Variants in FGF14 observed in about 807,000 individuals in gnomAD.
FGF14 encodes fibroblast growth factor 14, also known as fibroblast growth factor homologous factor 4.
In FGF14, 5 loss-of-function variants were observed where a neutral mutation model predicts 25.5. The ratio of observed to expected loss-of-function variants is 0.20; its 90% CI spans 0.10 to 0.41. The LOEUF (loss-of-function observed/expected upper bound fraction) is 0.41. Ranked by LOEUF, FGF14 falls within the 10% of genes least tolerant of loss-of-function variation. The pLI, the probability that FGF14 is intolerant of heterozygous loss-of-function variation, is 1.00. For synonymous variants in FGF14, 138 were observed against 118.3 expected (o/e 1.17, Z -1.08); for missense variants, 222 against 320.1 (o/e 0.69, Z 2.34).
chr13:102,045,007 ATG>A (rs2041918226), intron 1 of FGF14, among the ~76,000 whole-genome samples: 1 of 152,176 alleles, frequency 6.6e-6, no homozygotes, highest in South Asian at 2.1e-4. Flanking sequence ...TGGCAAAAAC[ATG>A]TGTCTATAAC....
chr13:101,986,259 T>G (rs777221873), intron 1 of FGF14, among the ~76,000 whole-genome samples: 1 of 152,140 alleles, frequency 6.6e-6, no homozygotes, highest in Non-Finnish European at 1.5e-5. Context: ...AGTTTTTCAA[T>G]TTGGGTTTCT....
chr13:102,066,406 T>G (rs1483713041), intron 1 of FGF14, among the ~76,000 whole-genome samples: 2 of 152,134 alleles, frequency 1.3e-5, no homozygotes, highest in African/African-American at 4.8e-5. Flanking sequence ...AATTAGGCAC[T>G]CAAAAATAAA....
At chr13:101,961,221 G>A (rs1480637463) in intron 1 of FGF14, among the ~76,000 whole-genome samples, 2 of 151,986 alleles carry the variant, frequency 1.3e-5, no homozygotes, top group Non-Finnish European at 2.9e-5. Context: ...TTTTGCTTTT[G>A]TTGCCATTGC....
intron 1 of FGF14, among the ~76,000 whole-genome samples, chr13:102,387,661 A>C (rs553962467): frequency 6.6e-6 from 1 of 152,004 alleles, no homozygotes; most frequent in African/African-American, 2.4e-5. Flanking sequence ...GGTTTGGTGT[A>C]CAGATTATTT....
At chr13:102,381,867 T>A (rs1165658814) in intron 1 of FGF14, among the ~76,000 whole-genome samples, 1 of 152,210 alleles carries the variant, frequency 6.6e-6, no homozygotes, top group East Asian at 1.9e-4. Context: ...GTATTTTGGT[T>A]ATATGTCAAT....
chr13:101,894,076 A>G (rs571029119), intron 1 of FGF14, among the ~76,000 whole-genome samples: 81 of 152,140 alleles, frequency 5.3e-4, no homozygotes, highest in African/African-American at 1.9e-3. Flanking sequence ...GATATTTAAG[A>G]AAGAGTGACA....
At chr13:101,990,927 C>T (rs1037374590) in intron 1 of FGF14, among the ~76,000 whole-genome samples, 11 of 151,960 alleles carry the variant, frequency 7.2e-5, no homozygotes, top group Non-Finnish European at 1.5e-4. Context: ...TAAGTAAAAT[C>T]GACAGAACAT....
At chr13:101,799,994 G>A (rs1384107004) in intron 3 of FGF14, among the ~76,000 whole-genome samples, 3 of 152,068 alleles carry the variant, frequency 2.0e-5, no homozygotes, top group Non-Finnish European at 1.5e-5. Context: ...ACTTTACATA[G>A]AAGGAATGTC....
intron 3 of FGF14, among the ~76,000 whole-genome samples, chr13:101,769,439 A>G (rs1439883391): frequency 6.6e-6 from 1 of 152,164 alleles, no homozygotes; most frequent in Non-Finnish European, 1.5e-5. Context: ...ATGATCCACC[A>G]GTCATACTCC....
At chr13:102,112,449 G>A (rs750417077) in intron 1 of FGF14, among the ~76,000 whole-genome samples, 4 of 152,046 alleles carry the variant, frequency 2.6e-5, no homozygotes, top group South Asian at 2.1e-4. Context: ...CACACCACCC[G>A]CAAGTTTTGT....
At chr13:102,126,615 C>T (rs615746) in intron 1 of FGF14, among the ~76,000 whole-genome samples, 103,367 of 152,094 alleles carry the variant, frequency 0.68, 36,657 homozygotes, top group East Asian at 0.9. Flanking sequence ...ATGGTAATTT[C>T]ATATTTTTTT....
At chr13:101,977,216 C>T (rs2037981245) in intron 1 of FGF14, among the ~76,000 whole-genome samples, 2 of 152,146 alleles carry the variant, frequency 1.3e-5, no homozygotes, top group African/African-American at 4.8e-5. Flanking sequence ...CTACTCCCCT[C>T]CTCCCTAAAC....
intron 1 of FGF14, among the ~76,000 whole-genome samples, chr13:101,898,931 CT>C (rs2031133261): frequency 6.6e-6 from 1 of 152,100 alleles, no homozygotes; most frequent in Admixed American, 6.6e-5. Context: ...GAATTTGCTG[CT>C]TCAAAAGTGG....
intron 1 of FGF14, among the ~76,000 whole-genome samples, chr13:102,168,926 C>T (rs1326693526): frequency 3.3e-5 from 5 of 151,378 alleles, no homozygotes; most frequent in African/African-American, 7.3e-5. Flanking sequence ...TAAGATATTA[C>T]GATAATATCA....
At chr13:102,266,244 T>C (rs2052986414) in intron 1 of FGF14, among the ~76,000 whole-genome samples, 1 of 152,118 alleles carries the variant, frequency 6.6e-6, no homozygotes, top group South Asian at 2.1e-4. Flanking sequence ...TGACAAATAT[T>C]GGCCATTTTT....
At chr13:101,967,702 G>A (rs1333441681) in intron 1 of FGF14, 1 of 154,234 alleles carries the variant, frequency 6.5e-6, no homozygotes, top group Non-Finnish European at 1.5e-5. Context: ...GAGTCTTTGG[G>A]CAGTCTCCTG....
At position 101,717,787 on chromosome 13, in the gene FGF14, T is replaced by C. The variant is rs1259440576; in HGVS notation, c.*5044A>G. ...TTTGGCTGGCAGCTGGGCAGTACTT[T>C]GTCAGCCTCAGCTCCACTGGAACTG... On this transcript the variant is annotated 3_prime_UTR_variant, in exon 5 of 5. Transcript: ENST00000376143. 1.3e-5 allele frequency: 2 copies of C among 152,190 alleles called. No homozygotes were observed. Among genetic ancestry groups the C allele is most frequent in the Non-Finnish European group, 2.9e-5 (2 of 68,020 alleles). The allele number at this position is 152,190 out of a possible 1,614,324, so 9.4% of individuals were successfully genotyped here.
chr13:101,981,437 A>G (rs1180465651), intron 1 of FGF14, among the ~76,000 whole-genome samples: 1 of 152,180 alleles, frequency 6.6e-6, no homozygotes, highest in Admixed American at 6.5e-5. Context: ...CCACCAGGGC[A>G]GTGAGAAATA....
intron 3 of FGF14, among the ~76,000 whole-genome samples, chr13:101,730,031 G>A (rs1322510654): frequency 6.6e-6 from 1 of 152,158 alleles, no homozygotes. Context: ...GGACAGAAGT[G>A]GAGAATGTTG....
Sources: gnomAD v4.1 joint callset for allele counts (sites outside exome capture counted in the v4.1 genomes callset) on GRCh38, gnomAD v4.1.1 for gene constraint, MANE v1.5 for transcripts, NCBI Gene and HGNC (gene_info 2026-07-23, HGNC 2026-07-21) for gene names.